Variants in CCDC178 observed in about 807,000 individuals in gnomAD.
The protein encoded by CCDC178 is coiled-coil domain containing 178, also known as coiled-coil domain-containing protein 178.
A neutral mutation model predicts 117.4 loss-of-function variants in CCDC178; 126 were observed. The observed-to-expected ratio is 1.07, with a 90% confidence interval of 0.93 to 1.24. The LOEUF (loss-of-function observed/expected upper bound fraction) is 1.24, where lower values mean the gene tolerates loss of function less well. Ranked by LOEUF, CCDC178 falls within the 50% of genes most tolerant of loss-of-function variation. The probability of loss-of-function intolerance (pLI) is 0.00; values close to 1 mark genes in which losing one functional copy is unlikely to be tolerated. For synonymous variants in CCDC178, 283 were observed against 313.4 expected (o/e 0.90, Z 1.02); for missense variants, 1,030 against 986.9 (o/e 1.04, Z -0.59).
intron 21 of CCDC178, among the ~76,000 whole-genome samples, chr18:33,043,313 C>T (rs2056583556): frequency 6.6e-6 from 1 of 152,070 alleles, no homozygotes; most frequent in South Asian, 2.1e-4. Flanking sequence ...TACAGTTCTA[C>T]TGAGAATTAT....
intron 5 of CCDC178, among the ~76,000 whole-genome samples, chr18:33,386,683 A>G (rs9948358): frequency 0.016 from 2,440 of 152,144 alleles, 61 homozygotes; most frequent in African/African-American, 0.055. Context: ...TCATGTAAAG[A>G]ACTCAATAAA....
intron 20 of CCDC178, among the ~76,000 whole-genome samples, chr18:33,108,691 C>G (rs2057739545): frequency 6.6e-6 from 1 of 151,580 alleles, no homozygotes; most frequent in African/African-American, 2.4e-5. Context: ...TTAAATATAG[C>G]TTAATTGTAT....
intron 5 of CCDC178, among the ~76,000 whole-genome samples, chr18:33,384,317 C>T (rs1023559469): frequency 6.6e-6 from 1 of 152,184 alleles, no homozygotes; most frequent in South Asian, 2.1e-4. Context: ...AGAACTTCCC[C>T]AATCTAGCAA....
Position 32,983,206 on chromosome 18 carries a change from T to C in CCDC178, c.2389-8525A>G, listed in dbSNP as rs1405302033. 3.6e-6 allele frequency: 3 copies of C among 828,190 alleles called. No homozygotes were observed. The Admixed American group carries it at 6.3e-5, about 18-fold the overall frequency. 51.3% of individuals were successfully genotyped at this position (828,190 alleles called of 1,614,324 possible). A position where few individuals can be genotyped will look rare whatever the true frequency, so the allele number is the denominator to read the frequency against. ...GGGAGTAGGTACATGGTGGTGACAATGTGTGACACTTGTTAGAGGTTACAG... is the reference window on the plus strand; with the variant it reads ...GGGAGTAGGTACATGGTGGTGACAACGTGTGACACTTGTTAGAGGTTACAG... On this transcript the variant is annotated intron_variant, in intron 21 of 22. Coordinates refer to ENST00000383096, the MANE Select transcript of CCDC178 (RefSeq NM_001105528.4).
chr18:33,146,320 A>T (rs2058267073), intron 20 of CCDC178, among the ~76,000 whole-genome samples: 1 of 152,222 alleles, frequency 6.6e-6, no homozygotes, highest in South Asian at 2.1e-4. Flanking sequence ...GATAAAATTG[A>T]AAAAGCCTTT....
chr18:33,122,504 T>C (rs1025585211), intron 20 of CCDC178, among the ~76,000 whole-genome samples: 3 of 152,066 alleles, frequency 2.0e-5, no homozygotes, highest in Admixed American at 1.3e-4. Context: ...TTAGATAATC[T>C]ATATAAAGGC....
At chr18:33,247,231 G>A (rs911695602) in intron 14 of CCDC178, among the ~76,000 whole-genome samples, 7 of 151,780 alleles carry the variant, frequency 4.6e-5, no homozygotes, top group Non-Finnish European at 7.4e-5. Context: ...AGCAATCAGA[G>A]TGTGAACCCA....
chr18:33,110,179 G>A (rs1451185547), intron 20 of CCDC178, among the ~76,000 whole-genome samples: 1 of 151,380 alleles, frequency 6.6e-6, no homozygotes, highest in Admixed American at 6.6e-5. Context: ...TATGCTTATC[G>A]GACATTTGTA....
intron 5 of CCDC178, among the ~76,000 whole-genome samples, chr18:33,372,090 C>T (rs1418300693): frequency 6.6e-6 from 1 of 152,012 alleles, no homozygotes; most frequent in South Asian, 2.1e-4. Context: ...ATTTCCATAG[C>T]ACTCCTATGG....
chr18:33,367,032 T>C (rs1476164266), intron 6 of CCDC178, among the ~76,000 whole-genome samples: 1 of 151,994 alleles, frequency 6.6e-6, no homozygotes, highest in Non-Finnish European at 1.5e-5. Context: ...GGAGGAAAAA[T>C]GCACCCAGCG....
At chr18:33,422,298 T>C (rs2064037187) in intron 2 of CCDC178, among the ~76,000 whole-genome samples, 1 of 152,224 alleles carries the variant, frequency 6.6e-6, no homozygotes, top group Non-Finnish European at 1.5e-5. Context: ...AAGGAAACCA[T>C]TTCATTATTG....
intron 21 of CCDC178, among the ~76,000 whole-genome samples, chr18:33,075,606 T>C (rs2057191650): frequency 6.6e-6 from 1 of 152,182 alleles, no homozygotes; most frequent in South Asian, 2.1e-4. Flanking sequence ...AATACCTTTC[T>C]GTTCCCATCA....
At chr18:33,261,859 T>G (rs67203039) in intron 14 of CCDC178, among the ~76,000 whole-genome samples, 3 of 152,042 alleles carry the variant, frequency 2.0e-5, no homozygotes, top group Non-Finnish European at 4.4e-5. Flanking sequence ...TTGACATATC[T>G]CTCTATTCAT....
intron 21 of CCDC178, among the ~76,000 whole-genome samples, chr18:33,004,538 A>T (rs2055710464): frequency 6.6e-6 from 1 of 152,020 alleles, no homozygotes; most frequent in Non-Finnish European, 1.5e-5. Flanking sequence ...ACCTGGGGAA[A>T]TGCTACAGGA....
rs535620837 is a variant in CCDC178, at chr18:33,126,176, C to T, written c.2239-33266G>A. Among the ~76,000 whole-genome samples, 7 of 151,494 alleles carry T rather than the reference C, an allele frequency of 4.6e-5. No individual in the cohort carries two copies. In the East Asian group the frequency reaches 9.7e-4, roughly 21 times the overall value. ...ATGGTAACTTGGTTTGGATGGTGTC[C>T]GTAGACATGGATGGATTTCAAATAG... On this transcript the variant is annotated intron_variant, in intron 20 of 22. Transcript: ENST00000383096.
At chr18:33,154,000 C>T (rs1228087984) in intron 20 of CCDC178, among the ~76,000 whole-genome samples, 1 of 151,958 alleles carries the variant, frequency 6.6e-6, no homozygotes, top group Non-Finnish European at 1.5e-5. Flanking sequence ...TACTATTCAA[C>T]TTAAAATATT....
At chr18:33,305,787 G>A (rs1174327855) in intron 11 of CCDC178, among the ~76,000 whole-genome samples, 2 of 152,032 alleles carry the variant, frequency 1.3e-5, no homozygotes, top group Non-Finnish European at 2.9e-5. Context: ...CAGACAAAGT[G>A]GCCTTGGCTT....
chr18:32,962,747 A>C (rs894511402), intron 22 of CCDC178, among the ~76,000 whole-genome samples: 1 of 151,732 alleles, frequency 6.6e-6, no homozygotes, highest in Non-Finnish European at 1.5e-5. Context: ...GGGTTCTTTG[A>C]ATTAATTGGA....
At chr18:33,414,280 T>G (rs961535534) in intron 2 of CCDC178, among the ~76,000 whole-genome samples, 3 of 152,178 alleles carry the variant, frequency 2.0e-5, no homozygotes, top group Admixed American at 1.3e-4. Flanking sequence ...TTAATTTTAA[T>G]GTAGCTGTGA....
Sources: gnomAD v4.1 joint callset for allele counts (sites outside exome capture counted in the v4.1 genomes callset) on GRCh38, gnomAD v4.1.1 for gene constraint, MANE v1.5 for transcripts, NCBI Gene and HGNC (gene_info 2026-07-23, HGNC 2026-07-21) for gene names.